Variants in CDS2 observed in about 807,000 individuals in gnomAD.
CDS2 encodes CDP-diacylglycerol synthase 2, also known as phosphatidate cytidylyltransferase 2.
In CDS2, 47 loss-of-function variants were observed where a neutral mutation model predicts 59.0. That is an observed-to-expected ratio of 0.80 (90% CI 0.63 to 1.02). The LOEUF is 1.02. Among genes scored for constraint, CDS2 ranks in the 50% least tolerant of loss-of-function variants. The pLI, the probability that CDS2 is intolerant of heterozygous loss-of-function variation, is 0.00. For missense variants in CDS2, 356 were observed against 558.9 expected, an observed-to-expected ratio of 0.64 and a Z score of 3.66; for synonymous variants, 207 against 206.4, an observed-to-expected ratio of 1.00 and a Z score of -0.02.
intron 1 of CDS2, among the ~76,000 whole-genome samples, chr20:5,158,851 A>T (rs1478256037): frequency 6.6e-6 from 1 of 152,176 alleles, no homozygotes. Context: ...TTTTGCAGTG[A>T]TTTGCAAACT....
chr20:5,127,132 G>A lies in CDS2; in HGVS notation c.40G>A (p.Ala14Thr). The change falls in exon 1 of 13, where the codon GCG becomes ACG. Residue 14 changes from alanine to threonine, a missense_variant. Coordinates refer to ENST00000460006, the MANE Select transcript of CDS2 (RefSeq NM_003818.4). ...GCAGAGGGTGGCCCATGAGCCGGTT[G>A]CGCCACCCGAGGACAAGGTAGCGGC... is the stretch of plus-strand genomic sequence containing the variant. ...LRQRVAHEPV[A>T]PPEDKESESE... 6.7e-7 allele frequency: 1 copy of A among 1,496,234 alleles called. No homozygotes were observed. The highest frequency in any genetic ancestry group is 8.9e-7 in the Non-Finnish European group (1 of 1,121,900). The allele number at this position is 1,496,234 out of a possible 1,614,324, so 92.7% of individuals were successfully genotyped here. A position where few individuals can be genotyped will look rare whatever the true frequency, so the allele number is the denominator to read the frequency against.
intron 1 of CDS2, among the ~76,000 whole-genome samples, chr20:5,137,523 A>G (rs983513628): frequency 6.6e-6 from 1 of 151,858 alleles, no homozygotes; most frequent in Non-Finnish European, 1.5e-5. Context: ...GATTACAGAC[A>G]TGAGCCACCA....
intron 2 of CDS2, 87 bp from the exon 3 acceptor site, chr20:5,175,095 AG>A: frequency 1.1e-6 from 1 of 951,212 alleles, no homozygotes; most frequent in Non-Finnish European, 1.7e-6. Context: ...CCCTCATCTC[AG>A]GAAGATCCAT....
intron 1 of CDS2, among the ~76,000 whole-genome samples, chr20:5,153,535 A>G (rs186882383): frequency 5.9e-5 from 9 of 152,220 alleles, no homozygotes; most frequent in Admixed American, 5.9e-4. Flanking sequence ...TTTAAACAAC[A>G]CAACCTTGTT....
rs1478425173 is a variant in CDS2 at position 5,190,229 on chromosome 20, G to A, written c.1333G>A (p.Glu445Lys). The change falls in exon 13 of 13, where the codon GAG (glutamate) becomes AAG (lysine). Residue 445 changes from glutamate to lysine, a missense_variant. Physicochemically the swap from Glu to Lys is moderately conservative, Grantham distance 56. Transcript: ENST00000460006. ...KGMLTSTTED[E>K] ...GATGCTGACATCCACCACAGAGGAC[G>A]AGTAGGGGCCACCCAGGGCCAGGAG... is the stretch of plus-strand genomic sequence containing the variant. The A allele has an allele frequency of 2.5e-6, 4 of 1,613,614 alleles. No individual in the cohort carries two copies. The highest frequency in any genetic ancestry group is 3.4e-6 in the Non-Finnish European group (4 of 1,179,732).
chr20:5,188,945 C>A, intron 10 of CDS2, 122 bp from the exon 11 acceptor site: 1 of 1,238,404 alleles, frequency 8.1e-7, no homozygotes, highest in Non-Finnish European at 1.2e-6. Context: ...CAAACACCTC[C>A]CACTAGGCAT....
At position 5,191,531 on chromosome 20, in the gene CDS2, C is replaced by CA. The variant is rs2091114709; in HGVS notation, c.*1300dup. On this transcript the variant is annotated 3_prime_UTR_variant, in exon 13 of 13. Transcript: ENST00000460006. ...GAGAGAACTTGGCACCCAAATATAT[C>CA]AAACTATTCCGTGCCGTGGATGTTT... The CA allele has an allele frequency of 6.6e-6, 1 of 152,162 alleles. No individual in the cohort carries two copies. Among genetic ancestry groups the CA allele is most frequent in the East Asian group, 1.9e-4 (1 of 5,194 alleles). 9.4% of individuals were successfully genotyped at this position (152,162 alleles called of 1,614,324 possible).
chr20:5,131,145 G>A (rs1342277223), intron 1 of CDS2, among the ~76,000 whole-genome samples: 1 of 150,004 alleles, frequency 6.7e-6, no homozygotes, highest in African/African-American at 2.4e-5. Flanking sequence ...TCCTCAAAAT[G>A]TTACAGTTGC....
At chr20:5,172,432 G>A (rs893812891) in intron 1 of CDS2, among the ~76,000 whole-genome samples, 5 of 152,166 alleles carry the variant, frequency 3.3e-5, no homozygotes, top group African/African-American at 9.7e-5. Context: ...AGAAAACTCC[G>A]TAGAAAAACT....
At chr20:5,135,450 T>TTGTGTGTCATGTTTG (rs2090642056) in intron 1 of CDS2, among the ~76,000 whole-genome samples, 1 of 149,672 alleles carries the variant, frequency 6.7e-6, no homozygotes, top group African/African-American at 2.6e-5. Context: ...GTACAGCTGT[T>TTGTGTGTCATGTTTG]TGTGTGTCAT....
chr20:5,179,064 T>C, intron 5 of CDS2, 108 bp downstream of exon 5: 2 of 1,009,480 alleles, frequency 2.0e-6, no homozygotes, highest in East Asian at 4.8e-5. Flanking sequence ...TGACATTAAC[T>C]GTGACCATGC....
intron 2 of CDS2, 152 bp downstream of exon 2, chr20:5,173,811 T>A: frequency 1.1e-6 from 1 of 921,432 alleles, no homozygotes; most frequent in Non-Finnish European, 1.7e-6. Context: ...CCATTGAGTG[T>A]AATCTAGTGC....
chr20:5,168,160 T>A (rs6116670), intron 1 of CDS2, among the ~76,000 whole-genome samples: 67,318 of 151,702 alleles, frequency 0.44, 15,226 homozygotes, highest in South Asian at 0.6. Context: ...CACGCCTGTA[T>A]TCCCAGCACT....
In CDS2 at chr20:5,163,483, A is replaced by G. The variant is rs186500954; in HGVS notation, c.58-10040A>G. Among the ~76,000 whole-genome samples the G allele has an allele frequency of 1.8e-3, 260 of 148,088 alleles. 2 individuals carry two copies. Among genetic ancestry groups the G allele is most frequent in the African/African-American group, 6.1e-3 (251 of 41,092 alleles). ...TCCCTGTTGGTCAGGCTGGTCTCGA[A>G]CTCCCAACCTCAGGTGATCCACCCG... On this transcript the variant is annotated intron_variant, in intron 1 of 12. Transcript: ENST00000460006.
At chr20:5,177,474 C>T (rs958389673) in intron 4 of CDS2, among the ~76,000 whole-genome samples, 3 of 152,082 alleles carry the variant, frequency 2.0e-5, no homozygotes, top group Non-Finnish European at 2.9e-5. Flanking sequence ...ATTCAGCTTT[C>T]TTAAAGCAAA....
At chr20:5,175,371 A>G (rs1282730170) in intron 3 of CDS2, 92 bp downstream of exon 3, 1 of 983,776 alleles carries the variant, frequency 1.0e-6, no homozygotes, top group East Asian at 2.4e-5. Context: ...TGGTTGTGGG[A>G]ATTGACGGGG....
At chr20:5,127,357 T>C (rs932321399) in intron 1 of CDS2, among the ~76,000 whole-genome samples, 1 of 151,734 alleles carries the variant, frequency 6.6e-6, no homozygotes, top group Non-Finnish European at 1.5e-5. Context: ...CGGCTCAGGG[T>C]CTGACTGAAG....
chr20:5,167,264 C>A (rs936192024), intron 1 of CDS2, among the ~76,000 whole-genome samples: 2 of 152,168 alleles, frequency 1.3e-5, no homozygotes, highest in Admixed American at 1.3e-4. Flanking sequence ...GTGCAGTTAA[C>A]CTGTTAGAGA....
chr20:5,151,750 C>CTTTCTTT (rs2090791804), intron 1 of CDS2, among the ~76,000 whole-genome samples: 4 of 53,178 alleles, frequency 7.5e-5, no homozygotes. Context: ...GACTCCATGT[C>CTTTCTTT]TTTTTTTTTT....
Sources: gnomAD v4.1 joint callset for allele counts (sites outside exome capture counted in the v4.1 genomes callset) on GRCh38, gnomAD v4.1.1 for gene constraint, MANE v1.5 for transcripts, NCBI Gene and HGNC (gene_info 2026-07-23, HGNC 2026-07-21) for gene names.